The following RECQL4 variants were observed in gnomAD, a reference collection of about 807,000 sequenced individuals.
RECQL4 encodes the protein ATP-dependent DNA helicase Q4.
RECQL4 carries 158 observed loss-of-function variants against 128.6 expected under a neutral mutation model. The ratio of observed to expected loss-of-function variants is 1.23; its 90% CI spans 1.08 to 1.40. The LOEUF is 1.40. Ranked by LOEUF, RECQL4 falls within the 40% of genes most tolerant of loss-of-function variation. RECQL4 has a pLI of 0.00. For missense variants in RECQL4, 2,293 were observed against 1,649.8 expected, an observed-to-expected ratio of 1.39 and a Z score of -6.75; for synonymous variants, 996 against 678.9, an observed-to-expected ratio of 1.47 and a Z score of -7.26.
At chr8:144,517,353 G>T in intron 3 of RECQL4, 61 bp downstream of exon 3, 1 of 1,496,568 alleles carries the variant, frequency 6.7e-7, no homozygotes, top group Non-Finnish European at 8.9e-7. Context: ...CGACTCCGTG[G>T]CTCCCGCCAC....
chr8:144,511,680 C>T lies in RECQL4; in HGVS notation c.3502+1G>A. ...AGCGGGTGGGGCCTCCCAGGCCTCA[C>T]CGATGCCGTGGAAGATGCGGGCCAC... On this transcript the variant is annotated splice_donor_variant, in intron 20 of 20. Transcript: ENST00000617875. LOFTEE classifies it high-confidence loss of function. The T allele has an allele frequency of 6.2e-7, 1 of 1,612,386 alleles. No individual in the cohort carries two copies. The highest frequency in any genetic ancestry group is 8.5e-7 in the Non-Finnish European group (1 of 1,179,716).
Position 144,517,649 on chromosome 8 carries a change from G to A in RECQL4, c.85-14C>T. On this transcript the variant is annotated splice_polypyrimidine_tract_variant and intron_variant, in intron 1 of 20. Coordinates refer to ENST00000617875, the MANE Select transcript of RECQL4 (RefSeq NM_004260.4). ...CTCCACGTCGTCCTGTAAAGGGAAC[G>A]CGTCAGCCGCGGGCCGCGCCCTCAG... The A allele has an allele frequency of 6.8e-7, 1 of 1,475,952 alleles. No individual in the cohort carries two copies. The highest frequency in any genetic ancestry group is 8.9e-7 in the Non-Finnish European group (1 of 1,120,862). 91.4% of individuals were successfully genotyped at this position (1,475,952 alleles called of 1,614,324 possible).
At chr8:144,516,995 C>T (rs1451717872) in intron 4 of RECQL4, 55 bp downstream of exon 4, 1 of 1,567,000 alleles carries the variant, frequency 6.4e-7, no homozygotes, top group African/African-American at 1.4e-5. Flanking sequence ...GAGGGCGACC[C>T]GGACCGGAAG....
At chr8:144,514,713 G>A (rs572970263) in intron 9 of RECQL4, among the ~76,000 whole-genome samples, 188 bp from the exon 10 acceptor site, 1 of 152,232 alleles carries the variant, frequency 6.6e-6, no homozygotes, top group African/African-American at 2.4e-5. Context: ...CAGACAGACT[G>A]AAGTAGGGAT....
rs193091206 is a variant in RECQL4, at chr8:144,517,074, C to T, written c.330G>A (p.Lys110=). The change falls in exon 4 of 21, where the codon AAG becomes AAA. Residue 110 remains lysine (K), a synonymous_variant. Coordinates refer to ENST00000617875, the MANE Select transcript of RECQL4 (RefSeq NM_004260.4). ...GSVPDYGQRL[K]ANLKGTLQAG... ...CCTGCAGGGTGCCTTTCAGATTGGC[C>T]TTGAGCCGCTGCCCGTAGTCCGGCA... The T allele has an allele frequency of 9.9e-6, 16 of 1,612,168 alleles. No homozygotes were observed. In the African/African-American group the frequency reaches 1.5e-4, roughly 15 times the overall value.
At position 144,511,303 on chromosome 8, in the gene RECQL4, C is replaced by G; in HGVS notation, c.*128G>C. The G allele has an allele frequency of 6.5e-7, 1 of 1,543,204 alleles. No homozygotes were observed. The highest frequency in any genetic ancestry group is 8.8e-7 in the Non-Finnish European group (1 of 1,142,320). Reference sequence around the variant, plus strand: ...AGAGGGCCCATAAAAACAAAGTGAGCATTTTTTATTCTGCATTTTGGAGCC... The same window carrying G: ...AGAGGGCCCATAAAAACAAAGTGAGGATTTTTTATTCTGCATTTTGGAGCC... On this transcript the variant is annotated 3_prime_UTR_variant, in exon 21 of 21. Transcript: ENST00000617875.
Position 144,514,240 on chromosome 8 carries a change from G to A in RECQL4, c.1827C>T (p.Cys609=), listed in dbSNP as rs371310357. ...VAFACIDEAH[C]LSQWSHNFRP... ...GGAAGTTGTGGGACCACTGGGAGAGGCAGTGGGCCTCATCAATGCAGGCAA... is the reference window on the plus strand; with the variant it reads ...GGAAGTTGTGGGACCACTGGGAGAGACAGTGGGCCTCATCAATGCAGGCAA... The change falls in exon 11 of 21, where the codon TGC becomes TGT. Residue 609 remains cysteine (C), a synonymous_variant. Transcript: ENST00000617875. 2.1e-5 allele frequency: 34 copies of A among 1,612,276 alleles called. No individual in the cohort carries two copies. In the South Asian group the frequency reaches 2.7e-4, roughly 13 times the overall value.
At chr8:144,514,662 G>T in intron 9 of RECQL4, 137 bp from the exon 10 acceptor site, 2 of 977,318 alleles carry the variant, frequency 2.0e-6, no homozygotes, top group Non-Finnish European at 3.0e-6. Flanking sequence ...AGGGCTAAGG[G>T]TTTAGAGCCA....
At position 144,513,409 on chromosome 8, in the gene RECQL4, G is replaced by T; in HGVS notation, c.2272C>A (p.Arg758=). Residue 758 remains arginine, a synonymous_variant, in exon 14 of 21, where the codon CGA becomes AGA. Coordinates refer to ENST00000617875, the MANE Select transcript of RECQL4 (RefSeq NM_004260.4). ...CGCAACTGGCCCTGCATGAAGGCTC[G>T]CTGTACCCGCCGCCGTTCCCGGCTG... ...MCSRERRRVQ[R]AFMQGQLRVV... is the part of the protein sequence containing the mutation. 1 of 1,608,744 alleles carries T rather than the reference G, an allele frequency of 6.2e-7. No homozygotes were observed.
At chr8:144,517,021 C>G (rs773052012) in intron 4 of RECQL4, 29 bp downstream of exon 4, 1 of 1,600,046 alleles carries the variant, frequency 6.2e-7, no homozygotes, top group Non-Finnish European at 8.5e-7. Context: ...GTGGACCTAG[C>G]GTGGACTCAC....
At chr8:144,515,537 A>T in intron 6 of RECQL4, 80 bp from the exon 7 acceptor site, 1 of 1,587,824 alleles carries the variant, frequency 6.3e-7, no homozygotes, top group Non-Finnish European at 8.6e-7. Flanking sequence ...CCTTCCCCCA[A>T]AGGGGGTTGG....
At chr8:144,511,888 C>T in intron 19 of RECQL4, 23 bp downstream of exon 19, 1 of 1,609,908 alleles carries the variant, frequency 6.2e-7, no homozygotes, top group Non-Finnish European at 8.5e-7. Context: ...CCCCGATGAG[C>T]TGCCTGGCCT....
chr8:144,514,440 A>G lies in RECQL4; in HGVS notation c.1704+2T>C, dbSNP rs772896860. 8 of 1,611,120 alleles carry G rather than the reference A, an allele frequency of 5.0e-6. No individual in the cohort carries two copies. In the East Asian group the frequency reaches 8.9e-5, roughly 18 times the overall value. On this transcript the variant is annotated splice_donor_variant, in intron 10 of 20. Coordinates refer to ENST00000617875, the MANE Select transcript of RECQL4 (RefSeq NM_004260.4). LOFTEE classifies it high-confidence loss of function. ...TCACCCCTAGGCCCATGAGGCCCCC[A>G]CCTTCTGCAGGACAGATTCCCGTTG...
At chr8:144,513,791 C>CT in intron 12 of RECQL4, 79 bp from the exon 13 acceptor site, 1 of 417,872 alleles carries the variant, frequency 2.4e-6, no homozygotes, top group Non-Finnish European at 3.2e-6. Flanking sequence ...GAGGGGTCGG[C>CT]GTGGGGAGTG....
chr8:144,515,604 C>T (rs1828041491), intron 6 of RECQL4, 147 bp from the exon 7 acceptor site: 3 of 1,459,610 alleles, frequency 2.1e-6, no homozygotes, highest in Non-Finnish European at 1.9e-6. Flanking sequence ...AGAGTGACAG[C>T]CATCGTCGTC....
Position 144,513,382 on chromosome 8 carries a change from C to T in RECQL4, c.2299G>A (p.Val767Met), listed in dbSNP as rs775137905. The T allele has an allele frequency of 1.2e-6, 2 of 1,607,816 alleles. No homozygotes were observed. Among genetic ancestry groups the T allele is most frequent in the South Asian group, 2.2e-5 (2 of 91,058 alleles). Residue 767 changes from valine (V) to methionine (M), a missense_variant, in exon 14 of 21, where the codon GTG becomes ATG. Val to Met is a conservative substitution (Grantham distance 21). Coordinates refer to ENST00000617875, the MANE Select transcript of RECQL4 (RefSeq NM_004260.4). The part of the protein sequence containing the change: ...QRAFMQGQLR[V>M]VVATVAFGMG... ...CCAAAGGCCACCGTGGCCACCACCA[C>T]CCGCAACTGGCCCTGCATGAAGGCT...
chr8:144,514,762 G>A lies in RECQL4; in HGVS notation c.1620+174C>T, dbSNP rs116767958. On this transcript the variant is annotated intron_variant, in intron 9 of 20. Transcript: ENST00000617875. ...GCACATTTCCCGTAGGGGTGGCTGT[G>A]GTGCCTGTGGAGCTGGGCTGCCTTT... is the stretch of plus-strand genomic sequence containing the variant. Among the ~76,000 whole-genome samples the A allele has an allele frequency of 2.1e-3, 321 of 152,316 alleles. 1 individual carries two copies. The highest frequency in any genetic ancestry group is 7.5e-3 in the African/African-American group (311 of 41,566).
At chr8:144,515,300 C>G (rs1299654055) in intron 7 of RECQL4, 26 bp downstream of exon 7, 1 of 1,611,700 alleles carries the variant, frequency 6.2e-7, no homozygotes, top group South Asian at 1.1e-5. Flanking sequence ...TCAGTGAAGG[C>G]TCTGGGCCAG....
At position 144,513,438 on chromosome 8, in the gene RECQL4, A is replaced by G. The variant is rs2130680231; in HGVS notation, c.2243T>C (p.Met748Thr). Residue 748 changes from methionine to threonine, a missense_variant, in exon 14 of 21, where the codon ATG becomes ACG. Physicochemically the swap from Met to Thr is moderately conservative, Grantham distance 81. Transcript: ENST00000617875. ...TACCCGCCGCCGTTCCCGGCTGCAC[A>G]TGCCCGCGTGGTAGGCCTCGGCTGT... is the stretch of plus-strand genomic sequence containing the variant. The part of the protein sequence containing the change: ...KTTAEAYHAG[M>T]CSRERRRVQR... 6.2e-7 allele frequency: 1 copy of G among 1,609,764 alleles called. No homozygotes were observed.
Sources: gnomAD v4.1 joint callset for allele counts (sites outside exome capture counted in the v4.1 genomes callset) on GRCh38, gnomAD v4.1.1 for gene constraint, MANE v1.5 for transcripts, NCBI Gene and HGNC (gene_info 2026-07-23, HGNC 2026-07-21) for gene names.